The following TEAD1 variants were observed in gnomAD, a reference collection of about 807,000 sequenced individuals.
The protein encoded by TEAD1 is transcriptional enhancer factor TEF-1.
In TEAD1, 9 loss-of-function variants were observed where a neutral mutation model predicts 54.9. The observed-to-expected ratio is 0.16, with a 90% CI of 0.10 to 0.29. TEAD1 has a LOEUF of 0.29. Among genes scored for constraint, TEAD1 ranks in the 10% least tolerant of loss-of-function variants. The pLI is 1.00. For missense variants in TEAD1, 387 were observed against 535.9 expected (o/e 0.72, Z 2.74); for synonymous variants, 200 against 187.8 (o/e 1.07, Z -0.53).
chr11:12,925,528 CCTT>C (rs1948889730), intron 11 of TEAD1, among the ~76,000 whole-genome samples: 1 of 152,222 alleles, frequency 6.6e-6, no homozygotes, highest in African/African-American at 2.4e-5. Flanking sequence ...ATATCACCCT[CCTT>C]CTTTCTCCCA....
At chr11:12,904,368 A>C (rs1482224180) in intron 10 of TEAD1, among the ~76,000 whole-genome samples, 1 of 152,242 alleles carries the variant, frequency 6.6e-6, no homozygotes, top group Non-Finnish European at 1.5e-5. Flanking sequence ...TGCCTACCTT[A>C]GTGAACTTCT....
chr11:12,914,696 TTC>T (rs35572342), intron 10 of TEAD1, among the ~76,000 whole-genome samples: 26,330 of 152,246 alleles, frequency 0.17, 2,502 homozygotes, highest in Non-Finnish European at 0.22. Flanking sequence ...GACCTCCCCC[TTC>T]TCTCTGCCCA....
intron 3 of TEAD1, among the ~76,000 whole-genome samples, chr11:12,777,103 T>C (rs926932149): frequency 6.6e-6 from 1 of 152,092 alleles, no homozygotes; most frequent in Admixed American, 6.5e-5. Flanking sequence ...TTATTTTTTT[T>C]TAAAGTTTGT....
chr11:12,853,901 GT>G (rs1353320775), intron 3 of TEAD1, among the ~76,000 whole-genome samples: 1 of 152,162 alleles, frequency 6.6e-6, no homozygotes, highest in African/African-American at 2.4e-5. Context: ...GTAACCAGGA[GT>G]TAACACAGCC....
At chr11:12,842,473 G>C (rs1947060974) in intron 3 of TEAD1, among the ~76,000 whole-genome samples, 1 of 152,170 alleles carries the variant, frequency 6.6e-6, no homozygotes, top group African/African-American at 2.4e-5. Context: ...TTTATTAATG[G>C]AGGCTTGGTG....
intron 3 of TEAD1, among the ~76,000 whole-genome samples, chr11:12,818,158 A>T (rs1250023488): frequency 6.6e-6 from 1 of 152,068 alleles, no homozygotes; most frequent in Non-Finnish European, 1.5e-5. Context: ...TTTGTCCCAA[A>T]CTCTTGAGAG....
intron 2 of TEAD1, among the ~76,000 whole-genome samples, chr11:12,718,003 G>A (rs1288844145): frequency 6.6e-6 from 1 of 152,232 alleles, no homozygotes; most frequent in Non-Finnish European, 1.5e-5. Flanking sequence ...TGAGCAGCAC[G>A]TGAATCTTTC....
intron 3 of TEAD1, among the ~76,000 whole-genome samples, chr11:12,774,285 A>T (rs1945372978): frequency 6.6e-6 from 1 of 152,142 alleles, no homozygotes; most frequent in Admixed American, 6.6e-5. Context: ...GGAGATGAGG[A>T]AGCAAGGCAC....
At chr11:12,834,405 C>G (rs1232751007) in intron 3 of TEAD1, among the ~76,000 whole-genome samples, 1 of 152,202 alleles carries the variant, frequency 6.6e-6, no homozygotes, top group Admixed American at 6.5e-5. Flanking sequence ...GGGCTGAAAT[C>G]CCAGTGCTAC....
intron 12 of TEAD1, among the ~76,000 whole-genome samples, chr11:12,935,465 T>C (rs1057332130): frequency 6.6e-6 from 1 of 152,040 alleles, no homozygotes; most frequent in Non-Finnish European, 1.5e-5. Context: ...TATTTATTTA[T>C]TTATTTATTT....
At chr11:12,910,485 A>G (rs1395463955) in intron 10 of TEAD1, among the ~76,000 whole-genome samples, 3 of 152,206 alleles carry the variant, frequency 2.0e-5, no homozygotes, top group Non-Finnish European at 4.4e-5. Context: ...TTAGTCTTAA[A>G]CTTTGATTGG....
chr11:12,826,177 T>C (rs1246722713), intron 3 of TEAD1, among the ~76,000 whole-genome samples: 6 of 152,196 alleles, frequency 3.9e-5, no homozygotes, highest in Non-Finnish European at 8.8e-5. Flanking sequence ...GTTTGCTAGC[T>C]CATTCAGTGG....
At chr11:12,763,881 C>T (rs990405042) in intron 2 of TEAD1, among the ~76,000 whole-genome samples, 2 of 152,192 alleles carry the variant, frequency 1.3e-5, no homozygotes, top group Admixed American at 1.3e-4. Context: ...TATCCAGCTT[C>T]TGCCCACCAT....
At chr11:12,747,759 G>A (rs1312472090) in intron 2 of TEAD1, among the ~76,000 whole-genome samples, 1 of 152,196 alleles carries the variant, frequency 6.6e-6, no homozygotes, top group East Asian at 1.9e-4. Context: ...GAGATATTCT[G>A]TTAATACTTT....
intron 10 of TEAD1, among the ~76,000 whole-genome samples, chr11:12,920,680 G>C (rs1389948064): frequency 6.6e-6 from 1 of 152,168 alleles, no homozygotes; most frequent in African/African-American, 2.4e-5. Flanking sequence ...AGAACAACTT[G>C]ATTAATCAAA....
At chr11:12,935,065 A>G (rs943817166) in intron 12 of TEAD1, among the ~76,000 whole-genome samples, 2 of 152,160 alleles carry the variant, frequency 1.3e-5, no homozygotes, top group African/African-American at 4.8e-5. Context: ...TGAATTAGGC[A>G]GGTGGGCCGC....
intron 2 of TEAD1, among the ~76,000 whole-genome samples, chr11:12,695,093 A>G (rs1590059621): frequency 6.6e-6 from 1 of 152,378 alleles, no homozygotes; most frequent in South Asian, 2.1e-4. Context: ...AATTCAGCGC[A>G]CAGCCAGGCT....
At chr11:12,847,673 A>C (rs1947182875) in intron 3 of TEAD1, among the ~76,000 whole-genome samples, 1 of 152,306 alleles carries the variant, frequency 6.6e-6, no homozygotes, top group East Asian at 1.9e-4. Context: ...TACCTAGATC[A>C]TTAGAAATTT....
chr11:12,801,132 T>A (rs1473051840), intron 3 of TEAD1, among the ~76,000 whole-genome samples: 1 of 152,236 alleles, frequency 6.6e-6, no homozygotes, highest in Non-Finnish European at 1.5e-5. Context: ...AAAGCTGCCA[T>A]CTGCAAAGCA....
Sources: allele counts gnomAD v4.1 joint callset (sites outside exome capture counted in the v4.1 genomes callset), GRCh38; gene constraint gnomAD v4.1.1; transcripts MANE v1.5; gene names NCBI Gene and HGNC (gene_info 2026-07-23, HGNC 2026-07-21).